MAGI1: variants seen among roughly 807,000 people sequenced by gnomAD.
The protein encoded by MAGI1 is membrane associated guanylate kinase, WW and PDZ domain containing 1.
MAGI1 carries 58 observed loss-of-function variants against 139.9 expected under a neutral mutation model. The ratio of observed to expected loss-of-function variants is 0.41; its 90% CI spans 0.34 to 0.52. The LOEUF (loss-of-function observed/expected upper bound fraction) is 0.52. MAGI1 is among the 20% of genes least tolerant of loss of function. The pLI is 0.12. For synonymous variants in MAGI1, 812 were observed against 737.9 expected, an observed-to-expected ratio of 1.10 and a Z score of -1.63; for missense variants, 1,874 against 1,901.6, an observed-to-expected ratio of 0.99 and a Z score of 0.27.
intron 1 of MAGI1, among the ~76,000 whole-genome samples, chr3:65,972,464 T>A (rs75133165): frequency 7.5e-4 from 4 of 5,362 alleles, no homozygotes; most frequent in Admixed American, 8.3e-3. Context: ...TATAATAAAT[T>A]AATTAATTAG....
chr3:65,834,968 T>A (rs536506786), intron 1 of MAGI1, among the ~76,000 whole-genome samples: 1 of 152,236 alleles, frequency 6.6e-6, no homozygotes, highest in Non-Finnish European at 1.5e-5. Flanking sequence ...AACCTGCCTA[T>A]ATTGTTTCAT....
chr3:65,949,102 G>A (rs1232688265), intron 1 of MAGI1, among the ~76,000 whole-genome samples: 1 of 152,178 alleles, frequency 6.6e-6, no homozygotes, highest in African/African-American at 2.4e-5. Flanking sequence ...CACTTCCATT[G>A]CTGCCAACAT....
chr3:65,449,239 G>A (rs746189216), intron 6 of MAGI1, among the ~76,000 whole-genome samples: 8 of 152,130 alleles, frequency 5.3e-5, no homozygotes, highest in Non-Finnish European at 1.2e-4. Flanking sequence ...AAACCTGCAC[G>A]TTGTGCATAT....
intron 5 of MAGI1, among the ~76,000 whole-genome samples, chr3:65,466,858 G>T (rs909771482): frequency 6.6e-6 from 1 of 152,198 alleles, no homozygotes; most frequent in Non-Finnish European, 1.5e-5. Flanking sequence ...TAGTCCCACA[G>T]CCTGTCAAGC....
chr3:65,949,957 G>A (rs2063718819), intron 1 of MAGI1, among the ~76,000 whole-genome samples: 1 of 149,746 alleles, frequency 6.7e-6, no homozygotes. Flanking sequence ...GCTGAGATGG[G>A]AGGATGACTT....
In MAGI1 at chr3:65,602,386, C is replaced by T. The variant is rs183585498; in HGVS notation, c.430+19586G>A. Among the ~76,000 whole-genome samples the T allele has an allele frequency of 3.7e-4, 56 of 152,240 alleles. No homozygotes were observed. The East Asian group carries it at 9.3e-3, about 25-fold the overall frequency. On this transcript the variant is annotated intron_variant, in intron 2 of 22. Coordinates refer to ENST00000402939, the MANE Select transcript of MAGI1 (RefSeq NM_001033057.2). ...TTGGGCAATAAAAAGGAATGAAATA[C>T]TGATACGACATGGATAAACCTGAAA...
intron 1 of MAGI1, among the ~76,000 whole-genome samples, chr3:65,979,669 T>C (rs771571061): frequency 6.6e-6 from 1 of 152,162 alleles, no homozygotes; most frequent in African/African-American, 2.4e-5. Flanking sequence ...CTGGGAACCA[T>C]GTGACACCTC....
chr3:65,705,308 C>T (rs2030006871), intron 1 of MAGI1, among the ~76,000 whole-genome samples: 1 of 152,142 alleles, frequency 6.6e-6, no homozygotes, highest in Admixed American at 6.5e-5. Flanking sequence ...TTCAGTGGCA[C>T]ACCAAGGCCA....
intron 2 of MAGI1, among the ~76,000 whole-genome samples, chr3:65,573,443 A>C (rs1182412497): frequency 6.6e-6 from 1 of 152,062 alleles, no homozygotes; most frequent in East Asian, 1.9e-4. Context: ...CACACTAATA[A>C]ATTATATATC....
At chr3:65,981,132 A>G (rs1450667820) in intron 1 of MAGI1, among the ~76,000 whole-genome samples, 3 of 146,684 alleles carry the variant, frequency 2.0e-5, no homozygotes, top group Non-Finnish European at 4.5e-5. Context: ...AGCCTGGGTG[A>G]CAGAGTGAGA....
rs1491302769 is a variant in MAGI1 at position 65,578,921 on chromosome 3, CAA to C, written c.430+43049_430+43050del. Among the ~76,000 whole-genome samples the C allele has an allele frequency of 1.3e-4, 15 of 113,426 alleles. No individual in the cohort carries two copies. The South Asian group carries it at 1.8e-3, about 13-fold the overall frequency. 74.4% of individuals were successfully genotyped at this position (113,426 alleles called of 152,430 possible). On this transcript the variant is annotated intron_variant, in intron 2 of 22. Transcript: ENST00000402939. ...GGGTGACAGAGTAACACTCTGTCTCCAAAGAGAGAGAGAGAGAGAGAGAGACA... is the reference window on the plus strand; with the variant it reads ...GGGTGACAGAGTAACACTCTGTCTCCAGAGAGAGAGAGAGAGAGAGAGACA...
chr3:65,665,541 A>C (rs1280132428), intron 1 of MAGI1, among the ~76,000 whole-genome samples: 1 of 152,254 alleles, frequency 6.6e-6, no homozygotes, highest in Non-Finnish European at 1.5e-5. Context: ...AAGTGTCATT[A>C]AACAGAAATA....
intron 1 of MAGI1, among the ~76,000 whole-genome samples, chr3:65,938,603 T>G (rs6799092): frequency 0.58 from 88,448 of 151,762 alleles, 26,895 homozygotes; most frequent in East Asian, 0.81. Context: ...ACAGGACAAT[T>G]TAAAGCCCAG....
chr3:65,411,091 A>G lies in MAGI1; in HGVS notation c.2168-9621T>C, dbSNP rs1195578720. On this transcript the variant is annotated intron_variant, in intron 12 of 22. Coordinates refer to ENST00000402939, the MANE Select transcript of MAGI1 (RefSeq NM_001033057.2). ...GTCAAGATGTACCTACCACGAGGTC[A>G]ATCTTTCTACCCTAGGTAATATTCC... 2.0e-5 allele frequency among the ~76,000 whole-genome samples: 3 copies of G among 152,194 alleles called. No homozygotes were observed. The East Asian group carries it at 5.8e-4, about 29-fold the overall frequency.
intron 1 of MAGI1, among the ~76,000 whole-genome samples, chr3:65,706,835 G>A (rs984777000): frequency 6.6e-6 from 1 of 152,158 alleles, no homozygotes; most frequent in Non-Finnish European, 1.5e-5. Flanking sequence ...TCTCAGCCAT[G>A]GTAATAAGTT....
chr3:65,471,835 C>G (rs6802015), intron 4 of MAGI1, among the ~76,000 whole-genome samples: 86,886 of 152,022 alleles, frequency 0.57, 25,864 homozygotes, highest in East Asian at 0.95. Flanking sequence ...CAGAGGTGGT[C>G]GCTTGAGGCT....
intron 18 of MAGI1, 41 bp downstream of exon 18, chr3:65,375,704 G>A (rs1575554905): frequency 7.3e-7 from 1 of 1,372,206 alleles, no homozygotes; most frequent in Non-Finnish European, 1.0e-6. Context: ...CAGAGAGAGA[G>A]AAAAAGAGAG....
chr3:65,828,185 C>G (rs758044624), intron 1 of MAGI1, among the ~76,000 whole-genome samples: 1 of 152,194 alleles, frequency 6.6e-6, no homozygotes, highest in Non-Finnish European at 1.5e-5. Flanking sequence ...TAGTTCTTAT[C>G]TAGTTCTACT....
At chr3:65,726,240 T>C (rs1248578041) in intron 1 of MAGI1, among the ~76,000 whole-genome samples, 1 of 151,862 alleles carries the variant, frequency 6.6e-6, no homozygotes, top group African/African-American at 2.4e-5. Flanking sequence ...GATAATTCAA[T>C]GCTTTTTTAT....
Sources: gnomAD v4.1 joint callset for allele counts (sites outside exome capture counted in the v4.1 genomes callset) on GRCh38, gnomAD v4.1.1 for gene constraint, MANE v1.5 for transcripts, NCBI Gene and HGNC (gene_info 2026-07-23, HGNC 2026-07-21) for gene names.